Variants in NIBAN1 observed in about 807,000 individuals in gnomAD.
NIBAN1 encodes niban apoptosis regulator 1, also known as protein Niban 1.
In NIBAN1, 81 loss-of-function variants were observed where a neutral mutation model predicts 75.1. The ratio of observed to expected loss-of-function variants is 1.08; its 90% CI spans 0.90 to 1.30. The LOEUF is 1.30. Among genes scored for constraint, NIBAN1 ranks in the 50% most tolerant of loss-of-function variants. The probability of loss-of-function intolerance (pLI) is 0.00; values close to 1 mark genes in which losing one functional copy is unlikely to be tolerated. For synonymous variants in NIBAN1, 436 were observed against 424.8 expected (o/e 1.03, Z -0.32); for missense variants, 1,133 against 1,128.1 (o/e 1.00, Z -0.06).
chr1:184,823,368 C>T (rs753389353), intron 7 of NIBAN1, 39 bp from the exon 8 acceptor site: 32 of 1,608,114 alleles, frequency 2.0e-5, no homozygotes, highest in South Asian at 4.4e-5. Flanking sequence ...GGCTCTGTCA[C>T]GTGTAAGCAC....
chr1:184,830,741 C>A (rs909868200), intron 6 of NIBAN1, among the ~76,000 whole-genome samples: 1 of 152,000 alleles, frequency 6.6e-6, no homozygotes, highest in African/African-American at 2.4e-5. Flanking sequence ...GTGGCTCATG[C>A]CTATAATCCC....
intron 1 of NIBAN1, among the ~76,000 whole-genome samples, chr1:184,964,893 A>G (rs1658741056): frequency 6.6e-6 from 1 of 152,228 alleles, no homozygotes; most frequent in African/African-American, 2.4e-5. Context: ...AAGTTCCTCT[A>G]AAGCGGAGAC....
At chr1:184,872,600 G>T (rs575356385) in intron 5 of NIBAN1, among the ~76,000 whole-genome samples, 1 of 152,140 alleles carries the variant, frequency 6.6e-6, no homozygotes, top group Admixed American at 6.5e-5. Context: ...CTAGCAACTT[G>T]GGAGGCTGAG....
intron 1 of NIBAN1, among the ~76,000 whole-genome samples, chr1:184,939,135 A>T (rs1305045190): frequency 6.6e-6 from 1 of 152,250 alleles, no homozygotes; most frequent in Non-Finnish European, 1.5e-5. Context: ...GCACAAATGT[A>T]CTAGAAGCTG....
At chr1:184,892,221 T>C (rs925009494) in intron 3 of NIBAN1, among the ~76,000 whole-genome samples, 15 of 152,222 alleles carry the variant, frequency 9.9e-5, no homozygotes, top group African/African-American at 3.6e-4. Context: ...GGCCCAGCCA[T>C]ATGCTAAATG....
intron 1 of NIBAN1, among the ~76,000 whole-genome samples, chr1:184,955,189 T>G (rs1371514580): frequency 6.6e-6 from 1 of 152,186 alleles, no homozygotes; most frequent in African/African-American, 2.4e-5. Flanking sequence ...GTGTGTATTT[T>G]AAACTTGCAT....
In NIBAN1 at chr1:184,827,853, G is replaced by A. The variant is rs986545973; in HGVS notation, c.717+3994C>T. On this transcript the variant is annotated intron_variant, in intron 6 of 13. Transcript: ENST00000367511. The stretch of plus-strand genomic sequence containing the variant: ...AGGCCCCTTGCATTACTGAGTGGCC[G>A]TGGGTGAAAAAATCCAGTCAAAAGG... Among the ~76,000 whole-genome samples the A allele has an allele frequency of 3.3e-5, 5 of 151,738 alleles. No homozygotes were observed. In the South Asian group the frequency reaches 6.2e-4, roughly 19 times the overall value.
chr1:184,898,511 G>A (rs1484742456), intron 2 of NIBAN1, among the ~76,000 whole-genome samples: 1 of 152,116 alleles, frequency 6.6e-6, no homozygotes, highest in Non-Finnish European at 1.5e-5. Context: ...AGCCACTCAG[G>A]AGGCTGAGGC....
At chr1:184,860,140 G>A (rs1435988747) in intron 5 of NIBAN1, among the ~76,000 whole-genome samples, 1 of 152,034 alleles carries the variant, frequency 6.6e-6, no homozygotes, top group Non-Finnish European at 1.5e-5. Flanking sequence ...GAGTGGGGTT[G>A]GAATCAAAGC....
chr1:184,966,241 G>A (rs1305057531), intron 1 of NIBAN1, among the ~76,000 whole-genome samples: 2 of 152,172 alleles, frequency 1.3e-5, no homozygotes, highest in African/African-American at 2.4e-5. Flanking sequence ...GTAATGTGGC[G>A]CCATTCCAGG....
intron 1 of NIBAN1, among the ~76,000 whole-genome samples, chr1:184,951,033 A>G (rs563930316): frequency 3.9e-5 from 6 of 152,208 alleles, no homozygotes; most frequent in Non-Finnish European, 8.8e-5. Flanking sequence ...CAAACTCCTC[A>G]TGGGAGCATG....
chr1:184,966,193 G>A (rs952383314), intron 1 of NIBAN1, among the ~76,000 whole-genome samples: 1 of 152,320 alleles, frequency 6.6e-6, no homozygotes, highest in South Asian at 2.1e-4. Flanking sequence ...AATCTGGGCT[G>A]GCTCTGAGAC....
In NIBAN1 at chr1:184,795,661, T is replaced by C. The variant is rs1653835393; in HGVS notation, c.2103A>G (p.Glu701=). 6.2e-7 allele frequency: 1 copy of C among 1,614,166 alleles called. No homozygotes were observed. Among genetic ancestry groups the C allele is most frequent in the East Asian group, 2.2e-5 (1 of 44,878 alleles). Residue 701 remains glutamate (E), a synonymous_variant, in exon 14 of 14, where the codon GAA becomes GAG. Transcript: ENST00000367511. ...EDEEPAQEEP[E]PITASGSLKA... The stretch of plus-strand genomic sequence containing the variant: ...TCAAAGAACCCGAGGCAGTGATGGG[T>C]TCTGGCTCTTCCTGGGCGGGTTCTT...
chr1:184,935,740 G>T (rs987872334), intron 1 of NIBAN1, among the ~76,000 whole-genome samples: 2 of 151,696 alleles, frequency 1.3e-5, no homozygotes, highest in African/African-American at 4.8e-5. Context: ...GCCTAGTTGG[G>T]TAAATTTCAA....
intron 4 of NIBAN1, among the ~76,000 whole-genome samples, chr1:184,885,889 A>C (rs994454564): frequency 2.0e-5 from 3 of 151,866 alleles, no homozygotes; most frequent in African/African-American, 7.3e-5. Flanking sequence ...GGTTTCCTTC[A>C]TGCTTTGTAG....
At chr1:184,878,523 A>T (rs147939139) in intron 5 of NIBAN1, among the ~76,000 whole-genome samples, 1 of 152,334 alleles carries the variant, frequency 6.6e-6, no homozygotes, top group East Asian at 1.9e-4. Context: ...CTTCTAAACT[A>T]AAAGATATAG....
At chr1:184,888,458 T>G (rs939386358) in intron 4 of NIBAN1, among the ~76,000 whole-genome samples, 1 of 152,202 alleles carries the variant, frequency 6.6e-6, no homozygotes, top group African/African-American at 2.4e-5. Context: ...AATTCATTCC[T>G]TTTAGCCTCT....
intron 5 of NIBAN1, among the ~76,000 whole-genome samples, chr1:184,838,439 T>C (rs1383484968): frequency 6.6e-6 from 1 of 152,146 alleles, no homozygotes; most frequent in Non-Finnish European, 1.5e-5. Context: ...CGATAAGCAT[T>C]TGGGGAGATA....
intron 9 of NIBAN1, among the ~76,000 whole-genome samples, chr1:184,809,489 T>C (rs1654303682): frequency 6.6e-6 from 1 of 152,100 alleles, no homozygotes; most frequent in African/African-American, 2.4e-5. Flanking sequence ...AAAATTTAAA[T>C]CCTTTTTTTT....
Sources: allele counts gnomAD v4.1 joint callset (sites outside exome capture counted in the v4.1 genomes callset), GRCh38; gene constraint gnomAD v4.1.1; transcripts MANE v1.5; gene names NCBI Gene and HGNC (gene_info 2026-07-23, HGNC 2026-07-21).